The following KCNA2 variants were observed in gnomAD, a reference collection of about 807,000 sequenced individuals.
The protein encoded by KCNA2 is potassium voltage-gated channel subfamily A member 2, also known as potassium channel, voltage gated shaker related subfamily A, member 2.
A neutral mutation model predicts 33.4 loss-of-function variants in KCNA2; 11 were observed. The ratio of observed to expected loss-of-function variants is 0.33; its 90% confidence interval spans 0.21 to 0.55. The LOEUF (loss-of-function observed/expected upper bound fraction) is 0.55. KCNA2 is among the 20% of genes least tolerant of loss of function. The pLI is 0.93. For missense variants in KCNA2, 291 were observed against 621.6 expected (o/e 0.47, Z 5.66); for synonymous variants, 222 against 231.3 (o/e 0.96, Z 0.37).
At position 110,600,924 on chromosome 1, in the gene KCNA2, T is replaced by C. The variant is rs906059323; in HGVS notation, c.*2359A>G. 1.9e-5 allele frequency: 19 copies of C among 985,350 alleles called. No homozygotes were observed. Among genetic ancestry groups the C allele is most frequent in the African/African-American group, 1.4e-4 (8 of 57,224 alleles). 61.0% of individuals were successfully genotyped at this position (985,350 alleles called of 1,614,324 possible). ...ACTGTAGGTGCTAACTAGGCAGCAG[T>C]GAGGCCTGGGCTGGAGCCACCCCTG... On this transcript the variant is annotated 3_prime_UTR_variant, in exon 3 of 3. Coordinates refer to ENST00000316361, the MANE Select transcript of KCNA2 (RefSeq NM_004974.4).
chr1:110,619,881 C>T (rs1650193982), intron 1 of KCNA2, among the ~76,000 whole-genome samples: 1 of 152,068 alleles, frequency 6.6e-6, no homozygotes, highest in Non-Finnish European at 1.5e-5. Flanking sequence ...CATACACTCT[C>T]TGCCTGACAA....
chr1:110,597,754 A>T lies in KCNA2; in HGVS notation c.*5529T>A, dbSNP rs1649158642. 1 of 985,234 alleles carries T rather than the reference A, an allele frequency of 1.0e-6. No homozygotes were observed. The highest frequency in any genetic ancestry group is 1.2e-6 in the Non-Finnish European group (1 of 829,870). 61.0% of individuals were successfully genotyped at this position (985,234 alleles called of 1,614,324 possible). On this transcript the variant is annotated 3_prime_UTR_variant, in exon 3 of 3. Coordinates refer to ENST00000316361, the MANE Select transcript of KCNA2 (RefSeq NM_004974.4). The stretch of plus-strand genomic sequence containing the variant: ...ATCACTTTTCAGTCCTGAGAGCAAG[A>T]TTTTGAAAGAGCTATTGCTAAAGAA...
chr1:110,617,304 A>T (rs902585228), intron 1 of KCNA2, among the ~76,000 whole-genome samples: 2 of 152,234 alleles, frequency 1.3e-5, no homozygotes, highest in Non-Finnish European at 2.9e-5. Context: ...AAGCAGCCTC[A>T]CCTGTGCCAG....
In KCNA2 at chr1:110,593,921, G is replaced by T. The variant is rs551440506; in HGVS notation, c.*9362C>A. The stretch of plus-strand genomic sequence containing the variant: ...ATACATCCTGTGCAATGTAGTTACA[G>T]CTGGTGTCTAAATTTTCAAGAAGCA... On this transcript the variant is annotated 3_prime_UTR_variant, in exon 3 of 3. Coordinates refer to ENST00000316361, the MANE Select transcript of KCNA2 (RefSeq NM_004974.4). The T allele has an allele frequency of 1.3e-6, 2 of 1,549,870 alleles. No homozygotes were observed. The highest frequency in any genetic ancestry group is 2.4e-5 in the South Asian group (2 of 83,860).
Position 110,597,970 on chromosome 1 carries a change from T to C in KCNA2, c.*5313A>G, listed in dbSNP as rs1259385126. ...CTCCATCTGTCCCTGCTGGTTGCTT[T>C]GATAGGGGAACAGGGTTGGACTCAA... On this transcript the variant is annotated 3_prime_UTR_variant, in exon 3 of 3. Transcript: ENST00000316361. The C allele has an allele frequency of 1.0e-6, 1 of 985,234 alleles. No individual in the cohort carries two copies. The highest frequency in any genetic ancestry group is 1.7e-5 in the African/African-American group (1 of 57,210). The allele number at this position is 985,234 out of a possible 1,614,324, so 61.0% of individuals were successfully genotyped here. A position where few individuals can be genotyped will look rare whatever the true frequency, so the allele number is the denominator to read the frequency against.
In KCNA2 at chr1:110,596,064, A is replaced by C. The variant is rs1362030362; in HGVS notation, c.*7219T>G. Reference sequence around the variant, plus strand: ...AGATCAGACTTCCCTTTTATCCCTGAGTCAGGCAGCCACCTGGGAGGGAAA... The same window carrying C: ...AGATCAGACTTCCCTTTTATCCCTGCGTCAGGCAGCCACCTGGGAGGGAAA... On this transcript the variant is annotated 3_prime_UTR_variant, in exon 3 of 3. Transcript: ENST00000316361. 1 of 985,396 alleles carries C rather than the reference A, an allele frequency of 1.0e-6. No homozygotes were observed. Among genetic ancestry groups the C allele is most frequent in the Non-Finnish European group, 1.2e-6 (1 of 829,926 alleles). 61.0% of individuals were successfully genotyped at this position (985,396 alleles called of 1,614,324 possible). A position where few individuals can be genotyped will look rare whatever the true frequency, so the allele number is the denominator to read the frequency against.
chr1:110,626,233 CTG>C (rs1446443439), intron 1 of KCNA2, among the ~76,000 whole-genome samples: 4 of 152,186 alleles, frequency 2.6e-5, no homozygotes, highest in African/African-American at 9.6e-5. Flanking sequence ...GTAAAATAAA[CTG>C]TGTTATAGCC....
Position 110,601,884 on chromosome 1 carries a change from A to G in KCNA2, c.*1399T>C. On this transcript the variant is annotated 3_prime_UTR_variant, in exon 3 of 3. Coordinates refer to ENST00000316361, the MANE Select transcript of KCNA2 (RefSeq NM_004974.4). ...TATACACCCTAGTGCACATAGTCAA[A>G]CACATGCATAAATTGCCCTTTGTCA... The G allele has an allele frequency of 6.9e-7, 1 of 1,451,998 alleles. No homozygotes were observed. The highest frequency in any genetic ancestry group is 9.0e-7 in the Non-Finnish European group (1 of 1,106,442). The allele number at this position is 1,451,998 out of a possible 1,614,324, so 89.9% of individuals were successfully genotyped here.
Position 110,593,873 on chromosome 1 carries a change from T to C in KCNA2, c.*9410A>G, listed in dbSNP as rs1423665606. ...GGTGGGGCTGAAAGCTTCCAGAATA[T>C]GTCAGCAAGAATGATAATATCAATA... On this transcript the variant is annotated 3_prime_UTR_variant, in exon 3 of 3. Coordinates refer to ENST00000316361, the MANE Select transcript of KCNA2 (RefSeq NM_004974.4). 2 of 1,549,622 alleles carry C rather than the reference T, an allele frequency of 1.3e-6. No individual in the cohort carries two copies. The highest frequency in any genetic ancestry group is 2.0e-5 in the Admixed American group (1 of 50,814).
At chr1:110,619,598 C>T (rs1650182437) in intron 1 of KCNA2, among the ~76,000 whole-genome samples, 1 of 152,246 alleles carries the variant, frequency 6.6e-6, no homozygotes, top group Non-Finnish European at 1.5e-5. Flanking sequence ...CGGCCGTCAA[C>T]GCCCACGCAG....
chr1:110,597,766 CTATTGCTAAAGAAAACAGTCACTA>C lies in KCNA2; in HGVS notation c.*5493_*5516del. 2 of 985,166 alleles carry C rather than the reference CTATTGCTAAAGAAAACAGTCACTA, an allele frequency of 2.0e-6. No homozygotes were observed. The highest frequency in any genetic ancestry group is 2.4e-6 in the Non-Finnish European group (2 of 829,742). The allele number at this position is 985,166 out of a possible 1,614,324, so 61.0% of individuals were successfully genotyped here. ...TCCTGAGAGCAAGATTTTGAAAGAGCTATTGCTAAAGAAAACAGTCACTATTTATTTTATTGCACTTTTCCTCTT... is the reference window on the plus strand; with the variant it reads ...TCCTGAGAGCAAGATTTTGAAAGAGCTTTATTTTATTGCACTTTTCCTCTT... On this transcript the variant is annotated 3_prime_UTR_variant, in exon 3 of 3. Coordinates refer to ENST00000316361, the MANE Select transcript of KCNA2 (RefSeq NM_004974.4).
rs1350872134 is a variant in KCNA2, at chr1:110,603,340, G to A, written c.1443C>T (p.Asn481=). The A allele has an allele frequency of 6.2e-7, 1 of 1,613,810 alleles. No homozygotes were observed. Among genetic ancestry groups the A allele is most frequent in the African/African-American group, 1.3e-5 (1 of 75,024 alleles). Residue 481 remains asparagine, a synonymous_variant, in exon 3 of 3, where the codon AAC becomes AAT. Transcript: ENST00000316361. This position sits in a 1 kb window ranked among gnomAD's most constrained non-coding sequence, Gnocchi z 5.7. ...CATAGTTTGTGTTAGCCAAGGTACAGTTGGCTGTTTTCAAGTTTTCCTCTC... is the reference window on the plus strand; with the variant it reads ...CATAGTTTGTGTTAGCCAAGGTACAATTGGCTGTTTTCAAGTTTTCCTCTC... ...DFREENLKTA[N]CTLANTNYVN...
rs935531749 is a variant in KCNA2, at chr1:110,597,960, C to T, written c.*5323G>A. 3.0e-6 allele frequency: 3 copies of T among 985,264 alleles called. No individual in the cohort carries two copies. The highest frequency in any genetic ancestry group is 6.1e-5 in the Admixed American group (1 of 16,262). The allele number at this position is 985,264 out of a possible 1,614,324, so 61.0% of individuals were successfully genotyped here. A position where few individuals can be genotyped will look rare whatever the true frequency, so the allele number is the denominator to read the frequency against. On this transcript the variant is annotated 3_prime_UTR_variant, in exon 3 of 3. Transcript: ENST00000316361. ...GAGCCCCTACCTCCATCTGTCCCTGCTGGTTGCTTTGATAGGGGAACAGGG... is the reference window on the plus strand; with the variant it reads ...GAGCCCCTACCTCCATCTGTCCCTGTTGGTTGCTTTGATAGGGGAACAGGG...
In KCNA2 at chr1:110,603,259, T is replaced by A. The variant is rs372611433; in HGVS notation, c.*24A>T. 5 of 1,575,934 alleles carry A rather than the reference T, an allele frequency of 3.2e-6. No individual in the cohort carries two copies. In the African/African-American group the frequency reaches 6.8e-5, roughly 21 times the overall value. ...AACATCTGCATTAGTTCCATTGAGC[T>A]GTGAGTACGGTAATAGGTTTCAATC... On this transcript the variant is annotated 3_prime_UTR_variant, in exon 3 of 3. Coordinates refer to ENST00000316361, the MANE Select transcript of KCNA2 (RefSeq NM_004974.4). The surrounding 1 kb of genome is among the most constrained non-coding windows in gnomAD (Gnocchi z 5.7).
rs1170554954 is a variant in KCNA2, at chr1:110,596,693, G to C, written c.*6590C>G. The C allele has an allele frequency of 4.1e-6, 4 of 974,606 alleles. No individual in the cohort carries two copies. The highest frequency in any genetic ancestry group is 4.9e-6 in the Non-Finnish European group (4 of 820,062). 60.4% of individuals were successfully genotyped at this position (974,606 alleles called of 1,614,324 possible). A position where few individuals can be genotyped will look rare whatever the true frequency, so the allele number is the denominator to read the frequency against. ...AGGAAAGTTATGCTAACCTACTTAG[G>C]AAATATTTTTCTCAATAACAAAGGT... On this transcript the variant is annotated 3_prime_UTR_variant, in exon 3 of 3. Transcript: ENST00000316361.
Position 110,602,626 on chromosome 1 carries a change from A to G in KCNA2, c.*657T>C. 1.0e-6 allele frequency: 1 copy of G among 998,070 alleles called. No individual in the cohort carries two copies. The highest frequency in any genetic ancestry group is 1.2e-6 in the Non-Finnish European group (1 of 838,112). 61.8% of individuals were successfully genotyped at this position (998,070 alleles called of 1,614,324 possible). On this transcript the variant is annotated 3_prime_UTR_variant, in exon 3 of 3. Transcript: ENST00000316361. ...ACAAATGTGAAACTTGACAACTCAT[A>G]TTCGGTCATACTAACTGTCCCTCCC... is the stretch of plus-strand genomic sequence containing the variant.
At position 110,596,709 on chromosome 1, in the gene KCNA2, T is replaced by A; in HGVS notation, c.*6574A>T. 2.3e-5 allele frequency: 23 copies of A among 984,270 alleles called. No individual in the cohort carries two copies. Among genetic ancestry groups the A allele is most frequent in the Non-Finnish European group, 2.8e-5 (23 of 828,852 alleles). 61.0% of individuals were successfully genotyped at this position (984,270 alleles called of 1,614,324 possible). ...CCTACTTAGGAAATATTTTTCTCAA[T>A]AACAAAGGTTGAACCAGACATGCTT... On this transcript the variant is annotated 3_prime_UTR_variant, in exon 3 of 3. Coordinates refer to ENST00000316361, the MANE Select transcript of KCNA2 (RefSeq NM_004974.4).
Position 110,594,368 on chromosome 1 carries a change from C to G in KCNA2, c.*8915G>C. The G allele has an allele frequency of 1.0e-6, 1 of 983,736 alleles. No individual in the cohort carries two copies. Among genetic ancestry groups the G allele is most frequent in the Non-Finnish European group, 1.2e-6 (1 of 829,652 alleles). 60.9% of individuals were successfully genotyped at this position (983,736 alleles called of 1,614,324 possible). A position where few individuals can be genotyped will look rare whatever the true frequency, so the allele number is the denominator to read the frequency against. On this transcript the variant is annotated 3_prime_UTR_variant, in exon 3 of 3. Transcript: ENST00000316361. ...ACACACATCACACACAATATAAAGT[C>G]TCCAGAGGCAGCCTATATAAGCACA...
chr1:110,606,550 C>A (rs967565007), upstream of KCNA2: 2 of 152,314 alleles, frequency 1.3e-5, no homozygotes, highest in Non-Finnish European at 2.9e-5. Context: ...CGCTCGCCTC[C>A]GCGCAGAGGA....
Sources: gnomAD v4.1 joint callset for allele counts (sites outside exome capture counted in the v4.1 genomes callset) on GRCh38, gnomAD v4.1.1 for gene constraint, Gnocchi (gnomAD v3.1) non-coding constraint, MANE v1.5 for transcripts, NCBI Gene and HGNC (gene_info 2026-07-23, HGNC 2026-07-21) for gene names.